PARD6G: variants seen among roughly 807,000 people sequenced by gnomAD.
PARD6G encodes the protein par-6 family cell polarity regulator gamma, also known as partitioning defective 6 homolog gamma.
A neutral mutation model predicts 10.7 loss-of-function variants in PARD6G; 7 were observed. The ratio of observed to expected loss-of-function variants is 0.66; its 90% CI spans 0.37 to 1.23. PARD6G has a LOEUF of 1.23. Among genes scored for constraint, PARD6G ranks in the 50% most tolerant of loss-of-function variants. PARD6G has a pLI of 0.02. For synonymous variants in PARD6G, 287 were observed against 269.4 expected, an observed-to-expected ratio of 1.07 and a Z score of -0.64; for missense variants, 548 against 571.8, an observed-to-expected ratio of 0.96 and a Z score of 0.42.
intron 2 of PARD6G, among the ~76,000 whole-genome samples, chr18:80,185,618 C>T (rs1289658801): frequency 6.6e-6 from 1 of 151,746 alleles, no homozygotes; most frequent in East Asian, 1.9e-4. Context: ...GCTCCCACAC[C>T]CACACACACA....
intron 1 of PARD6G, among the ~76,000 whole-genome samples, chr18:80,235,883 C>A (rs1413547635): frequency 1.3e-5 from 2 of 152,082 alleles, no homozygotes; most frequent in East Asian, 3.9e-4. Flanking sequence ...AAAAAAAGTC[C>A]AGGACCAGAT....
intron 2 of PARD6G, among the ~76,000 whole-genome samples, chr18:80,190,281 G>C (rs922606325): frequency 6.6e-6 from 1 of 152,200 alleles, no homozygotes; most frequent in Non-Finnish European, 1.5e-5. Flanking sequence ...CAAACAATCC[G>C]GGCTCAGGTG....
chr18:80,170,225 A>C (rs985118991), intron 2 of PARD6G: 2 of 152,400 alleles, frequency 1.3e-5, no homozygotes, highest in South Asian at 4.1e-4. Context: ...AAGGTGAAAA[A>C]CAAAACCTGT....
rs374967388 is a variant in PARD6G at position 80,217,284 on chromosome 18, T to C, written c.73-14352A>G. On this transcript the variant is annotated intron_variant, in intron 1 of 2. Coordinates refer to ENST00000353265, the MANE Select transcript of PARD6G (RefSeq NM_032510.4). Reference sequence around the variant, plus strand: ...GACTGAGTACATAGATGAGGGAGAGTAGACAGGTCTACCATACAGAAGAAT... The same window carrying C: ...GACTGAGTACATAGATGAGGGAGAGCAGACAGGTCTACCATACAGAAGAAT... Among the ~76,000 whole-genome samples, 352 of 151,738 alleles carry C rather than the reference T, an allele frequency of 2.3e-3. 2 individuals are homozygous for C. Among genetic ancestry groups the C allele is most frequent in the Middle Eastern group, 0.01 (3 of 292 alleles).
Position 80,183,014 on chromosome 18 carries a change from G to C in PARD6G, c.295+19696C>G. ...GGCTCCCAGTGGAATGAGATGGCTGGGGTCTCATGAGGGGCCAGCTGCGTG... is the reference window on the plus strand; with the variant it reads ...GGCTCCCAGTGGAATGAGATGGCTGCGGTCTCATGAGGGGCCAGCTGCGTG... On this transcript the variant is annotated intron_variant, in intron 2 of 2. Coordinates refer to ENST00000353265, the MANE Select transcript of PARD6G (RefSeq NM_032510.4). The surrounding 1 kb of genome is among the most constrained non-coding windows in gnomAD (Gnocchi z 4.5). The C allele has an allele frequency of 1.5e-6, 1 of 683,392 alleles. No homozygotes were observed. Among genetic ancestry groups the C allele is most frequent in the Non-Finnish European group, 2.7e-6 (1 of 373,862 alleles). The allele number at this position is 683,392 out of a possible 1,614,324, so 42.3% of individuals were successfully genotyped here.
At chr18:80,212,211 G>T (rs1967116183) in intron 1 of PARD6G, among the ~76,000 whole-genome samples, 1 of 152,122 alleles carries the variant, frequency 6.6e-6, no homozygotes, top group Non-Finnish European at 1.5e-5. Context: ...AGTCCTTGTG[G>T]GTGTGTATGT....
Position 80,200,393 on chromosome 18 carries a change from G to A in PARD6G, c.295+2317C>T, listed in dbSNP as rs984583878. ...CTCTGATTTTCCCAAAGACAGGACC[G>A]AGGGGCCAGTGAAGGGCTTGTCATC... On this transcript the variant is annotated intron_variant, in intron 2 of 2. Coordinates refer to ENST00000353265, the MANE Select transcript of PARD6G (RefSeq NM_032510.4). The surrounding 1 kb of genome is among the most constrained non-coding windows in gnomAD (Gnocchi z 4.4). 6.6e-6 allele frequency among the ~76,000 whole-genome samples: 1 copy of A among 152,162 alleles called. No individual in the cohort carries two copies. The highest frequency in any genetic ancestry group is 1.5e-5 in the Non-Finnish European group (1 of 68,030).
intron 2 of PARD6G, among the ~76,000 whole-genome samples, chr18:80,163,701 G>C (rs1222644540): frequency 6.6e-6 from 1 of 152,242 alleles, no homozygotes; most frequent in Non-Finnish European, 1.5e-5. Context: ...ATACAGAGAA[G>C]GGCACAGCGG....
At chr18:80,174,907 C>T (rs1036490952) in intron 2 of PARD6G, among the ~76,000 whole-genome samples, 1 of 151,978 alleles carries the variant, frequency 6.6e-6, no homozygotes, top group Non-Finnish European at 1.5e-5. Context: ...CGAGATTGTA[C>T]CACTGCACTC....
intron 1 of PARD6G, among the ~76,000 whole-genome samples, chr18:80,238,847 T>G (rs1039792017): frequency 1.7e-5 from 2 of 117,776 alleles, no homozygotes; most frequent in African/African-American, 3.3e-5. Context: ...TGCTGGGAGG[T>G]CACAGAATCG....
intron 1 of PARD6G, among the ~76,000 whole-genome samples, chr18:80,222,848 A>AT (rs547895135): frequency 4.7e-4 from 71 of 151,504 alleles, no homozygotes; most frequent in African/African-American, 1.3e-3. Flanking sequence ...TAATTTTTGT[A>AT]TTTTTTTTGT....
chr18:80,168,603 GTGTGTA>G (rs1415796141), intron 2 of PARD6G, among the ~76,000 whole-genome samples: 1 of 150,428 alleles, frequency 6.6e-6, no homozygotes, highest in Non-Finnish European at 1.5e-5. Flanking sequence ...GTGTGTGTGT[GTGTGTA>G]TGTATATGTA....
In PARD6G at chr18:80,182,917, C is replaced by T. The variant is rs140697234; in HGVS notation, c.295+19793G>A. On this transcript the variant is annotated intron_variant, in intron 2 of 2. Transcript: ENST00000353265. The surrounding 1 kb of genome is among the most constrained non-coding windows in gnomAD (Gnocchi z 4.5). Reference sequence around the variant, plus strand: ...AGGGCTAGATGTTTGGCTGAAGCTGCGTGTGCCACAACACTGCAGGCCCCA... The same window carrying T: ...AGGGCTAGATGTTTGGCTGAAGCTGTGTGTGCCACAACACTGCAGGCCCCA... 5.2e-4 allele frequency: 304 copies of T among 587,744 alleles called. 2 individuals are homozygous for T. Among genetic ancestry groups the T allele is most frequent in the African/African-American group, 4.7e-3 (251 of 53,710 alleles). 36.4% of individuals were successfully genotyped at this position (587,744 alleles called of 1,614,324 possible). A position where few individuals can be genotyped will look rare whatever the true frequency, so the allele number is the denominator to read the frequency against.
At position 80,158,731 on chromosome 18, in the gene PARD6G, G is replaced by T. The variant is rs2052672623; in HGVS notation, c.*1040C>A. On this transcript the variant is annotated 3_prime_UTR_variant, in exon 3 of 3. Coordinates refer to ENST00000353265, the MANE Select transcript of PARD6G (RefSeq NM_032510.4). ...GGTATGGTGGCATGTGCCTGTCCCA[G>T]CTCCTTGGGAGGCTGAGGCAGGAGA... 6.6e-6 allele frequency: 1 copy of T among 152,446 alleles called. No individual in the cohort carries two copies. Among genetic ancestry groups the T allele is most frequent in the African/African-American group, 2.4e-5 (1 of 41,436 alleles). The allele number at this position is 152,446 out of a possible 1,614,324, so 9.4% of individuals were successfully genotyped here.
At chr18:80,217,417 A>C (rs1042518348) in intron 1 of PARD6G, among the ~76,000 whole-genome samples, 7 of 152,336 alleles carry the variant, frequency 4.6e-5, no homozygotes, top group Non-Finnish European at 8.8e-5. Context: ...CAAAACCTAC[A>C]GTATAAAAAG....
intron 1 of PARD6G, among the ~76,000 whole-genome samples, chr18:80,223,627 G>A (rs1967255502): frequency 6.6e-6 from 1 of 152,166 alleles, no homozygotes; most frequent in African/African-American, 2.4e-5. Flanking sequence ...AATGTAAAAC[G>A]GTGCAAATGA....
At chr18:80,160,669 C>T (rs1599840101) in intron 2 of PARD6G, 63 bp from the exon 3 acceptor site, 1 of 1,426,566 alleles carries the variant, frequency 7.0e-7, no homozygotes. Context: ...CCTCGGCCGT[C>T]ATACACCTGG....
chr18:80,176,041 G>T (rs2052806250), intron 2 of PARD6G: 1 of 166,798 alleles, frequency 6.0e-6, no homozygotes, highest in South Asian at 2.1e-4. Context: ...GTACCCGGAG[G>T]GTCTGTGGGA....
chr18:80,229,489 T>C (rs1967334519), intron 1 of PARD6G, among the ~76,000 whole-genome samples: 1 of 152,140 alleles, frequency 6.6e-6, no homozygotes, highest in Admixed American at 6.5e-5. Flanking sequence ...TTTCAGAAAG[T>C]TCTAGCTCCT....
Sources: allele counts gnomAD v4.1 joint callset (sites outside exome capture counted in the v4.1 genomes callset), GRCh38; gene constraint gnomAD v4.1.1; non-coding constraint Gnocchi (gnomAD v3.1); transcripts MANE v1.5; gene names NCBI Gene and HGNC (gene_info 2026-07-23, HGNC 2026-07-21).